Variants in HCN1 observed in about 807,000 individuals in gnomAD.
HCN1 encodes potassium/sodium hyperpolarization-activated cyclic nucleotide-gated channel 1.
A neutral mutation model predicts 78.9 loss-of-function variants in HCN1; 13 were observed. The observed-to-expected ratio is 0.16, with a 90% confidence interval of 0.11 to 0.26. HCN1 has a LOEUF of 0.26. HCN1 is among the 10% of genes least tolerant of loss of function. HCN1 has a pLI of 1.00. For synonymous variants in HCN1, 552 were observed against 455.5 expected (o/e 1.21, Z -2.70); for missense variants, 810 against 1,154.3 (o/e 0.70, Z 4.32).
intron 2 of HCN1, among the ~76,000 whole-genome samples, chr5:45,572,171 ATG>A (rs1218300356): frequency 6.6e-6 from 1 of 152,154 alleles, no homozygotes; most frequent in African/African-American, 2.4e-5. Context: ...TAACTTATTA[ATG>A]CCAAAGGATA....
intron 2 of HCN1, among the ~76,000 whole-genome samples, chr5:45,545,934 T>A (rs1211075636): frequency 6.6e-6 from 1 of 152,032 alleles, no homozygotes; most frequent in Non-Finnish European, 1.5e-5. Flanking sequence ...TAAATATGTA[T>A]ATACTTTAAT....
Position 45,695,796 on chromosome 5 carries a change from A to C in HCN1, c.298T>G (p.Ser100Ala), listed in dbSNP as rs780364002. ...QYGFMQRQFT[S>A]MLQPGVNKFS... ...TTGTTGACCCCGGGCTGCAGCATGGAGGTGAACTGCCTCTGCATGAAGCCG... is the reference window on the plus strand; with the variant it reads ...TTGTTGACCCCGGGCTGCAGCATGGCGGTGAACTGCCTCTGCATGAAGCCG... The change falls in exon 1 of 8, where the codon TCC (serine) becomes GCC (alanine). Residue 100 changes from serine (S) to alanine (A), a missense_variant. Around this residue, in one of 6 missense-constraint regions of HCN1, gnomAD observed 170 missense variants for 166.8 expected, o/e 1.02. Transcript: ENST00000303230. 6.8e-6 allele frequency: 11 copies of C among 1,610,856 alleles called. No homozygotes were observed. Among genetic ancestry groups the C allele is most frequent in the Middle Eastern group, 1.6e-4 (1 of 6,078 alleles).
chr5:45,504,628 C>T (rs1425738570), intron 2 of HCN1, among the ~76,000 whole-genome samples: 2 of 152,102 alleles, frequency 1.3e-5, no homozygotes, highest in Admixed American at 6.5e-5. Flanking sequence ...AATGGGATGG[C>T]TGGGTCAAAT....
chr5:45,476,255 C>G (rs1352682747), intron 2 of HCN1, among the ~76,000 whole-genome samples: 1 of 152,118 alleles, frequency 6.6e-6, no homozygotes, highest in Admixed American at 6.6e-5. Flanking sequence ...TCACCAGATA[C>G]TTCATCTGCT....
intron 6 of HCN1, among the ~76,000 whole-genome samples, chr5:45,293,499 C>T (rs1745422283): frequency 6.6e-6 from 1 of 151,752 alleles, no homozygotes; most frequent in Non-Finnish European, 1.5e-5. Context: ...CAAAACAAAA[C>T]AAAACAAAAC....
At chr5:45,496,620 G>A (rs938461505) in intron 2 of HCN1, among the ~76,000 whole-genome samples, 12 of 151,940 alleles carry the variant, frequency 7.9e-5, no homozygotes, top group South Asian at 6.2e-4. Context: ...TCTTGCTAGC[G>A]GTCTATCAAT....
Position 45,353,001 on chromosome 5 carries a change from A to T in HCN1, c.1377+99T>A, listed in dbSNP as rs554356962. On this transcript the variant is annotated intron_variant, in intron 5 of 7. Transcript: ENST00000303230. ...AAGGACAAAATATCTTAATAAGTTT[A>T]GGTTTTTCTTTAGAGTAACGTGGAC... The T allele has an allele frequency of 6.3e-6, 6 of 959,722 alleles. No individual in the cohort carries two copies. In the African/African-American group the frequency reaches 6.5e-5, roughly 10 times the overall value. 59.5% of individuals were successfully genotyped at this position (959,722 alleles called of 1,614,324 possible).
At position 45,686,273 on chromosome 5, in the gene HCN1, AAGG is replaced by A. The variant is rs764226446; in HGVS notation, c.425+9393_425+9395del. Among the ~76,000 whole-genome samples the A allele has an allele frequency of 1.6e-4, 25 of 152,136 alleles. 1 individual carries two copies. In the Middle Eastern group the frequency reaches 0.01, roughly 62 times the overall value. ...TAAGCAAAACAGCATCAAGGATTAT[AAGG>A]AGAACATATAAGCCTCTCCCTTTTC... On this transcript the variant is annotated intron_variant, in intron 1 of 7. Coordinates refer to ENST00000303230, the MANE Select transcript of HCN1 (RefSeq NM_021072.4).
intron 2 of HCN1, among the ~76,000 whole-genome samples, chr5:45,542,441 C>G (rs1743123296): frequency 6.6e-6 from 1 of 151,572 alleles, no homozygotes; most frequent in South Asian, 2.1e-4. Flanking sequence ...TTTCTTCTTA[C>G]ATATCTGTTA....
chr5:45,461,819 G>T, intron 3 of HCN1, 27 bp downstream of exon 3: 1 of 1,597,744 alleles, frequency 6.3e-7, no homozygotes, highest in South Asian at 1.1e-5. Context: ...TGAAAAGTCA[G>T]AGTGTAAAAT....
chr5:45,609,338 T>A (rs1015601640), intron 2 of HCN1, among the ~76,000 whole-genome samples: 1 of 152,124 alleles, frequency 6.6e-6, no homozygotes, highest in Non-Finnish European at 1.5e-5. Context: ...ATAAGATAGA[T>A]AATTTAACAA....
In HCN1 at chr5:45,256,282, A is replaced by G. The variant is rs1744612521; in HGVS notation, c.*5639T>C. 1 of 151,284 alleles carries G rather than the reference A, an allele frequency of 6.6e-6. No homozygotes were observed. Among genetic ancestry groups the G allele is most frequent in the Admixed American group, 6.6e-5 (1 of 15,136 alleles). 9.4% of individuals were successfully genotyped at this position (151,284 alleles called of 1,614,324 possible). ...CAGCTACTCTGGAGGCTGATGCAGG[A>G]GAATTGCTTAAACCTGGGAGGCTGA... On this transcript the variant is annotated 3_prime_UTR_variant, in exon 8 of 8. Transcript: ENST00000303230.
At chr5:45,364,180 G>C (rs1747184759) in intron 4 of HCN1, among the ~76,000 whole-genome samples, 1 of 151,868 alleles carries the variant, frequency 6.6e-6, no homozygotes, top group South Asian at 2.1e-4. Context: ...TTTAATAGTT[G>C]GTATTTCCAA....
intron 2 of HCN1, among the ~76,000 whole-genome samples, chr5:45,561,538 T>C (rs1185703916): frequency 6.6e-6 from 1 of 151,956 alleles, no homozygotes; most frequent in Non-Finnish European, 1.5e-5. Flanking sequence ...CCTAATTTTA[T>C]ATTTAACATT....
chr5:45,551,791 G>T (rs1743375947), intron 2 of HCN1, among the ~76,000 whole-genome samples: 1 of 151,802 alleles, frequency 6.6e-6, no homozygotes, highest in South Asian at 2.1e-4. Flanking sequence ...AAACAATCTT[G>T]AATATAATGA....
intron 2 of HCN1, among the ~76,000 whole-genome samples, chr5:45,616,565 C>T (rs1330227829): frequency 2.6e-5 from 4 of 151,998 alleles, no homozygotes; most frequent in African/African-American, 9.6e-5. Context: ...TTAAAGAACA[C>T]TTTCAAAGTG....
At chr5:45,519,004 T>C (rs1038167436) in intron 2 of HCN1, among the ~76,000 whole-genome samples, 8 of 151,698 alleles carry the variant, frequency 5.3e-5, no homozygotes, top group African/African-American at 1.9e-4. Flanking sequence ...CAAATATATA[T>C]AATTTTCACA....
At chr5:45,551,720 CTG>C in intron 2 of HCN1, among the ~76,000 whole-genome samples, 1 of 151,948 alleles carries the variant, frequency 6.6e-6, no homozygotes, top group East Asian at 1.9e-4. Context: ...GGTGTTTTAT[CTG>C]TACAATTTTG....
At chr5:45,571,861 C>G (rs892606667) in intron 2 of HCN1, among the ~76,000 whole-genome samples, 1 of 152,154 alleles carries the variant, frequency 6.6e-6, no homozygotes, top group Non-Finnish European at 1.5e-5. Context: ...TTGCAGTGAG[C>G]TGAGATCATG....
Sources: gnomAD v4.1 joint callset for allele counts (sites outside exome capture counted in the v4.1 genomes callset) on GRCh38, gnomAD v4.1.1 for gene constraint, gnomAD v4.1.1 regional missense constraint, MANE v1.5 for transcripts, NCBI Gene and HGNC (gene_info 2026-07-23, HGNC 2026-07-21) for gene names.